The following DNAH8 variants were observed in gnomAD, a reference collection of about 807,000 sequenced individuals.
The protein encoded by DNAH8 is axonemal beta dynein heavy chain 8.
In DNAH8, 382 loss-of-function variants were observed where a neutral mutation model predicts 562.1. The ratio of observed to expected loss-of-function variants is 0.68; its 90% CI spans 0.63 to 0.74. The LOEUF is 0.74. Ranked by LOEUF, DNAH8 falls within the 30% of genes least tolerant of loss-of-function variation. The pLI, the probability that DNAH8 is intolerant of heterozygous loss-of-function variation, is 0.00. For synonymous variants in DNAH8, 1,881 were observed against 1,919.4 expected, an observed-to-expected ratio of 0.98 and a Z score of 0.52; for missense variants, 5,203 against 5,620.4, an observed-to-expected ratio of 0.93 and a Z score of 2.37.
chr6:38,959,265 A>C (rs1393680279), intron 82 of DNAH8, among the ~76,000 whole-genome samples: 9 of 152,174 alleles, frequency 5.9e-5, no homozygotes, highest in Non-Finnish European at 1.3e-4. Context: ...ATAGTACAGG[A>C]AGGTCTAGCT....
intron 12 of DNAH8, among the ~76,000 whole-genome samples, chr6:38,772,725 T>C (rs1236698460): frequency 6.6e-6 from 1 of 152,098 alleles, no homozygotes; most frequent in Non-Finnish European, 1.5e-5. Context: ...TTTATCATGT[T>C]TTTCTTTTGT....
intron 24 of DNAH8, among the ~76,000 whole-genome samples, chr6:38,812,438 C>A (rs1771882699): frequency 6.6e-6 from 1 of 152,142 alleles, no homozygotes; most frequent in South Asian, 2.1e-4. Flanking sequence ...GTACTAAAAA[C>A]CCTTACTTGT....
chr6:38,839,532 T>A (rs1047601795), intron 33 of DNAH8, among the ~76,000 whole-genome samples: 5 of 152,016 alleles, frequency 3.3e-5, no homozygotes, highest in Admixed American at 6.6e-5. Context: ...TTTTAAAAAA[T>A]TTTTTATACA....
chr6:38,848,867 A>C, intron 37 of DNAH8, 66 bp downstream of exon 37: 3 of 1,489,442 alleles, frequency 2.0e-6, no homozygotes, highest in Non-Finnish European at 2.8e-6. Context: ...GTCTCTGTAA[A>C]AGTCTTCACA....
At chr6:38,959,991 A>G (rs1231795705) in intron 82 of DNAH8, among the ~76,000 whole-genome samples, 2 of 152,110 alleles carry the variant, frequency 1.3e-5, no homozygotes, top group African/African-American at 2.4e-5. Context: ...TCTTCAACAA[A>G]GTTGCCTAGA....
At chr6:38,991,041 A>C (rs759374366) in intron 88 of DNAH8, among the ~76,000 whole-genome samples, 2 of 152,166 alleles carry the variant, frequency 1.3e-5, no homozygotes, top group Non-Finnish European at 2.9e-5. Context: ...TCCCTGGCCT[A>C]CTGTTGTAAT....
At chr6:38,770,343 G>A in intron 11 of DNAH8, 70 bp from the exon 12 acceptor site, 1 of 1,038,208 alleles carries the variant, frequency 9.6e-7, no homozygotes, top group South Asian at 1.7e-5. Context: ...TGAGGGTAGA[G>A]TTTTTGAATT....
chr6:38,787,800 C>A (rs1769319123), intron 18 of DNAH8, among the ~76,000 whole-genome samples: 1 of 150,786 alleles, frequency 6.6e-6, no homozygotes, highest in Non-Finnish European at 1.5e-5. Context: ...CACATTGTTT[C>A]TAAAATGTTT....
At chr6:38,799,236 A>G (rs1253243815) in intron 21 of DNAH8, among the ~76,000 whole-genome samples, 2 of 151,680 alleles carry the variant, frequency 1.3e-5, no homozygotes, top group African/African-American at 2.4e-5. Context: ...TGCTGCATCC[A>G]TTTTTCCTTC....
In DNAH8 at chr6:38,914,012, T is replaced by C. The variant is rs1183819067; in HGVS notation, c.9963+60T>C. On this transcript the variant is annotated intron_variant, in intron 67 of 92. Coordinates refer to ENST00000327475, the MANE Select transcript of DNAH8 (RefSeq NM_001206927.2). ...TATTTTTCCATATTAAAATGCATTG[T>C]TTTAAAATGGTACTAAAGAACAAGC... The C allele has an allele frequency of 6.9e-6, 9 of 1,310,246 alleles. No homozygotes were observed. In the African/African-American group the frequency reaches 8.8e-5, roughly 13 times the overall value. 81.2% of individuals were successfully genotyped at this position (1,310,246 alleles called of 1,614,324 possible).
At chr6:38,778,716 C>T (rs1768297122) in intron 14 of DNAH8, among the ~76,000 whole-genome samples, 1 of 152,062 alleles carries the variant, frequency 6.6e-6, no homozygotes, top group African/African-American at 2.4e-5. Flanking sequence ...GTTTCCCCTC[C>T]CTGCCCCCAG....
intron 1 of DNAH8, among the ~76,000 whole-genome samples, chr6:38,718,731 G>A (rs1027787405): frequency 5.9e-5 from 9 of 152,140 alleles, no homozygotes; most frequent in Non-Finnish European, 1.2e-4. Flanking sequence ...CTGTATGTCA[G>A]TGTTCACAGT....
intron 88 of DNAH8, among the ~76,000 whole-genome samples, chr6:38,995,649 C>T (rs1386099106): frequency 6.6e-6 from 1 of 152,178 alleles, no homozygotes; most frequent in Non-Finnish European, 1.5e-5. Flanking sequence ...GACATGCAAA[C>T]TAGTCTTTAA....
intron 84 of DNAH8, 79 bp downstream of exon 84, chr6:38,973,892 C>T: frequency 8.2e-7 from 1 of 1,213,860 alleles, no homozygotes; most frequent in East Asian, 2.4e-5. Context: ...GATGGGAACA[C>T]AACAGGGCTT....
At chr6:38,763,762 G>T in intron 11 of DNAH8, 1 of 156,134 alleles carries the variant, frequency 6.4e-6, no homozygotes, top group Non-Finnish European at 1.4e-5. Flanking sequence ...GGTGAGCCGT[G>T]ATCACACCAC....
At chr6:38,839,848 G>T (rs1774631153) in intron 33 of DNAH8, among the ~76,000 whole-genome samples, 1 of 152,166 alleles carries the variant, frequency 6.6e-6, no homozygotes, top group African/African-American at 2.4e-5. Context: ...TTTTAGTAGA[G>T]ACGGGGTTTC....
At chr6:38,870,049 A>G (rs1010351565) in intron 48 of DNAH8, among the ~76,000 whole-genome samples, 1 of 152,188 alleles carries the variant, frequency 6.6e-6, no homozygotes, top group South Asian at 2.1e-4. Flanking sequence ...CAGGCAAGAG[A>G]GCATGTGCAA....
intron 88 of DNAH8, among the ~76,000 whole-genome samples, chr6:38,990,777 T>C (rs73412424): frequency 0.013 from 1,952 of 152,196 alleles, 48 homozygotes; most frequent in African/African-American, 0.042. Context: ...ACTCATCACC[T>C]AGAGAAGAAA....
intron 28 of DNAH8, among the ~76,000 whole-genome samples, chr6:38,825,484 A>G (rs1404913190): frequency 1.3e-5 from 2 of 152,182 alleles, no homozygotes; most frequent in Non-Finnish European, 2.9e-5. Context: ...AGCCTTCAGA[A>G]TAGACCAGAA....
Sources: allele counts gnomAD v4.1 joint callset (sites outside exome capture counted in the v4.1 genomes callset), GRCh38; gene constraint gnomAD v4.1.1; transcripts MANE v1.5; gene names NCBI Gene and HGNC (gene_info 2026-07-23, HGNC 2026-07-21).